SYN3: variants seen among roughly 807,000 people sequenced by gnomAD.
SYN3 encodes the protein synapsin-3.
In SYN3, 35 loss-of-function variants were observed where a neutral mutation model predicts 65.8. The observed-to-expected ratio is 0.53, with a 90% CI of 0.41 to 0.70. SYN3 has a LOEUF of 0.70. SYN3 is among the 30% of genes least tolerant of loss of function. The probability of loss-of-function intolerance (pLI) is 0.00; values close to 1 mark genes in which losing one functional copy is unlikely to be tolerated. For synonymous variants in SYN3, 270 were observed against 292.9 expected, an observed-to-expected ratio of 0.92 and a Z score of 0.80; for missense variants, 680 against 749.0, an observed-to-expected ratio of 0.91 and a Z score of 1.08.
At chr22:32,605,862 T>C (rs2059365078) in intron 6 of SYN3, among the ~76,000 whole-genome samples, 1 of 152,246 alleles carries the variant, frequency 6.6e-6, no homozygotes, top group Non-Finnish European at 1.5e-5. Context: ...CCAGTTCACT[T>C]CTGGCTCCCA....
intron 6 of SYN3, among the ~76,000 whole-genome samples, chr22:32,850,358 C>T (rs375248438): frequency 3.9e-5 from 6 of 152,022 alleles, no homozygotes; most frequent in African/African-American, 1.4e-4. Context: ...AACATCCTCT[C>T]TAGCTCAGGC....
chr22:32,574,846 G>A (rs190368902), intron 7 of SYN3, among the ~76,000 whole-genome samples: 5 of 152,150 alleles, frequency 3.3e-5, no homozygotes, highest in Non-Finnish European at 7.4e-5. Flanking sequence ...GTTTTTCCTC[G>A]CACTTAGCAC....
chr22:32,789,807 A>G (rs2046278243), intron 6 of SYN3, among the ~76,000 whole-genome samples: 1 of 152,206 alleles, frequency 6.6e-6, no homozygotes, highest in Non-Finnish European at 1.5e-5. Context: ...TTACACAGAA[A>G]CTGACAATCC....
chr22:32,989,960 A>T (rs1009418190), intron 2 of SYN3, among the ~76,000 whole-genome samples: 2 of 152,132 alleles, frequency 1.3e-5, no homozygotes, highest in African/African-American at 4.8e-5. Context: ...CATACCACAG[A>T]AAGGGTTAAC....
chr22:32,848,865 A>G (rs925431006), intron 6 of SYN3, among the ~76,000 whole-genome samples: 1 of 150,692 alleles, frequency 6.6e-6, no homozygotes, highest in African/African-American at 2.5e-5. Flanking sequence ...ACATCCCCAT[A>G]GAGCTCAGAC....
chr22:32,879,508 G>A (rs946464552), intron 4 of SYN3, among the ~76,000 whole-genome samples: 4 of 152,154 alleles, frequency 2.6e-5, no homozygotes, highest in Non-Finnish European at 5.9e-5. Flanking sequence ...TTCTCATTGC[G>A]TCCTCACATA....
At chr22:32,869,225 C>T (rs1311552985) in intron 4 of SYN3, 100 bp from the exon 5 acceptor site, 21 of 1,367,972 alleles carry the variant, frequency 1.5e-5, no homozygotes, top group African/African-American at 1.1e-4. Context: ...ACTTGCAGGG[C>T]GGCAGCTTAG....
At position 32,596,688 on chromosome 22, in the gene SYN3, C is replaced by T. The variant is rs139005191; in HGVS notation, c.760G>A (p.Ala254Thr). 5.8e-4 allele frequency: 932 copies of T among 1,613,832 alleles called. 1 individual carries two copies. Among genetic ancestry groups the T allele is most frequent in the Non-Finnish European group, 7.5e-4 (881 of 1,179,956 alleles). The change falls in exon 7 of 14, where the codon GCT becomes ACT. Residue 254 changes from alanine (A) to threonine (T), a missense_variant. Ala to Thr is a moderately conservative substitution (Grantham distance 58, BLOSUM62 0). Transcript: ENST00000358763. ...GTTTCTCATACCTTTCCCATTCCAGCGTGGGCATGTCCCAGCTTGACTACC... is the reference window on the plus strand; with the variant it reads ...GTTTCTCATACCTTTCCCATTCCAGTGTGGGCATGTCCCAGCTTGACTACC... ...PVVVKLGHAH[A>T]GMGKIKVENQ... is the part of the protein sequence containing the mutation.
At chr22:32,546,783 G>A (rs1472970281) in intron 7 of SYN3, among the ~76,000 whole-genome samples, 1 of 152,056 alleles carries the variant, frequency 6.6e-6, no homozygotes, top group Non-Finnish European at 1.5e-5. Flanking sequence ...TGCCCCAGGG[G>A]CTATGATGGG....
At chr22:32,572,710 A>C (rs1163004754) in intron 7 of SYN3, among the ~76,000 whole-genome samples, 2 of 151,778 alleles carry the variant, frequency 1.3e-5, no homozygotes, top group Non-Finnish European at 2.9e-5. Flanking sequence ...AGTCTCCCAA[A>C]GTGTCAGAAT....
chr22:32,900,175 C>T (rs2146522191), intron 4 of SYN3, among the ~76,000 whole-genome samples: 1 of 152,226 alleles, frequency 6.6e-6, no homozygotes, highest in African/African-American at 2.4e-5. Context: ...GTACTGTCTC[C>T]CATGGAACTG....
At chr22:32,540,108 G>GCAAT (rs2058229674) in intron 8 of SYN3, among the ~76,000 whole-genome samples, 1 of 152,192 alleles carries the variant, frequency 6.6e-6, no homozygotes, top group Admixed American at 6.5e-5. Context: ...AGTTTCACAA[G>GCAAT]CAATGACAGG....
chr22:32,710,098 C>CACAT (rs71320948), intron 6 of SYN3, among the ~76,000 whole-genome samples: 171 of 129,612 alleles, frequency 1.3e-3, no homozygotes, highest in African/African-American at 4.4e-3. Flanking sequence ...CACACACACA[C>CACAT]ATGTGTGTGT....
intron 4 of SYN3, among the ~76,000 whole-genome samples, chr22:32,897,205 G>A (rs1176541878): frequency 6.6e-6 from 1 of 152,210 alleles, no homozygotes; most frequent in African/African-American, 2.4e-5. Flanking sequence ...GCCCATGGGT[G>A]TAAGATAAGA....
intron 4 of SYN3, among the ~76,000 whole-genome samples, chr22:32,929,341 A>C (rs1190919239): frequency 6.7e-6 from 1 of 148,998 alleles, no homozygotes; most frequent in Non-Finnish European, 1.5e-5. Context: ...TTTTCTCCGC[A>C]GATATCTCCA....
In SYN3 at chr22:32,596,655, G is replaced by T; in HGVS notation, c.774+19C>A. On this transcript the variant is annotated intron_variant, in intron 7 of 13. Coordinates refer to ENST00000358763, the MANE Select transcript of SYN3 (RefSeq NM_003490.4). ...TCTCTGGGTGTGTCCACTGTGAGTG[G>T]AAGGGCTGTTTCTCATACCTTTCCC... 6.2e-7 allele frequency: 1 copy of T among 1,613,434 alleles called. No homozygotes were observed. The highest frequency in any genetic ancestry group is 8.5e-7 in the Non-Finnish European group (1 of 1,179,616).
intron 1 of SYN3, among the ~76,000 whole-genome samples, chr22:33,044,305 A>G (rs1255165081): frequency 6.6e-6 from 1 of 152,178 alleles, no homozygotes; most frequent in African/African-American, 2.4e-5. Flanking sequence ...GCTTTCCTCA[A>G]ACATGCCTAG....
chr22:32,997,115 G>A (rs1006659271), intron 2 of SYN3, among the ~76,000 whole-genome samples: 1 of 152,218 alleles, frequency 6.6e-6, no homozygotes, highest in Non-Finnish European at 1.5e-5. Context: ...TAGCCCTTTG[G>A]ATGGGCCTGA....
At chr22:32,745,549 C>T (rs770142184) in intron 6 of SYN3, among the ~76,000 whole-genome samples, 8 of 152,152 alleles carry the variant, frequency 5.3e-5, no homozygotes, top group South Asian at 2.1e-4. Context: ...CCCACTGCTC[C>T]GGGAACTGGT....
Sources: allele counts gnomAD v4.1 joint callset (sites outside exome capture counted in the v4.1 genomes callset), GRCh38; gene constraint gnomAD v4.1.1; transcripts MANE v1.5; gene names NCBI Gene and HGNC (gene_info 2026-07-23, HGNC 2026-07-21).